BBS4: variants seen among roughly 807,000 people sequenced by gnomAD.
BBS4 encodes BBSome complex member BBS4.
Under a neutral mutation model 71.4 loss-of-function variants are expected in BBS4, and 58 were observed. That is an observed-to-expected ratio of 0.81 (90% CI 0.66 to 1.01). BBS4 has a LOEUF of 1.01. BBS4 is among the 50% of genes least tolerant of loss of function. The pLI is 0.00. For missense variants in BBS4, 660 were observed against 607.9 expected, an observed-to-expected ratio of 1.09 and a Z score of -0.90; for synonymous variants, 228 against 216.8, an observed-to-expected ratio of 1.05 and a Z score of -0.46.
intron 12 of BBS4, among the ~76,000 whole-genome samples, chr15:72,732,082 C>T (rs1218818221): frequency 6.6e-6 from 1 of 152,188 alleles, no homozygotes; most frequent in Non-Finnish European, 1.5e-5. Flanking sequence ...GGTCCTGCCT[C>T]TACTACTTAT....
In BBS4 at chr15:72,707,308, A is replaced by G. The variant is rs571717795; in HGVS notation, c.77-2392A>G. Reference sequence around the variant, plus strand: ...ATTCTGGTGCCCAAGCCTCCCTAGTAGCTGGGATGTCAGGATGCGCCACCA... The same window carrying G: ...ATTCTGGTGCCCAAGCCTCCCTAGTGGCTGGGATGTCAGGATGCGCCACCA... On this transcript the variant is annotated intron_variant, in intron 2 of 15. Coordinates refer to ENST00000268057, the MANE Select transcript of BBS4 (RefSeq NM_033028.5). 2.3e-4 allele frequency among the ~76,000 whole-genome samples: 35 copies of G among 150,328 alleles called. No homozygotes were observed. In the South Asian group the frequency reaches 6.3e-3, roughly 27 times the overall value.
intron 1 of BBS4, 78 bp downstream of exon 1, chr15:72,686,329 G>A: frequency 6.5e-7 from 1 of 1,546,938 alleles, no homozygotes; most frequent in East Asian, 2.4e-5. Flanking sequence ...CCATGCAGCG[G>A]TTCCTGGAGA....
In BBS4 at chr15:72,727,973, T is replaced by C; in HGVS notation, c.621T>C (p.Thr207=). Reference sequence around the variant, plus strand: ...CAGAAAATACAGAGCTTCTTACAACTTTAGGATTACTCTACTTACAGGTAA... The same window carrying C: ...CAGAAAATACAGAGCTTCTTACAACCTTAGGATTACTCTACTTACAGGTAA... ...FSPENTELLT[T]LGLLYLQLGI... The change falls in exon 9 of 16, where the codon ACT becomes ACC. Residue 207 remains threonine (T), a synonymous_variant. Coordinates refer to ENST00000268057, the MANE Select transcript of BBS4 (RefSeq NM_033028.5). The C allele has an allele frequency of 6.2e-7, 1 of 1,612,552 alleles. No individual in the cohort carries two copies. The highest frequency in any genetic ancestry group is 8.5e-7 in the Non-Finnish European group (1 of 1,178,584).
chr15:72,695,198 A>G lies in BBS4; in HGVS notation c.46A>G (p.Thr16Ala), dbSNP rs929043364. The change falls in exon 2 of 16, where the codon ACT (threonine) becomes GCT (alanine). Residue 16 changes from threonine to alanine, a missense_variant. By Grantham distance (58) the Thr-to-Ala change is moderately conservative. Coordinates refer to ENST00000268057, the MANE Select transcript of BBS4 (RefSeq NM_033028.5). Reference protein sequence around the residue: ...VATRTQFPVSTESQKPRQKKA... With the variant: ...VATRTQFPVSAESQKPRQKKA... ...TCAGAGAACTCAATTTCCTGTATCT[A>G]CTGAGTCTCAAAAACCCCGGCAGAA... 1 of 1,606,642 alleles carries G rather than the reference A, an allele frequency of 6.2e-7. No homozygotes were observed. Among genetic ancestry groups the G allele is most frequent in the Non-Finnish European group, 8.5e-7 (1 of 1,173,450 alleles).
chr15:72,686,389 C>G, intron 1 of BBS4, 138 bp downstream of exon 1: 1 of 1,536,752 alleles, frequency 6.5e-7, no homozygotes, highest in Non-Finnish European at 8.7e-7. Flanking sequence ...GCGACACGGT[C>G]CCCTTTTTAC....
chr15:72,723,337 CTG>C (rs1224623228), intron 7 of BBS4, among the ~76,000 whole-genome samples: 2 of 152,044 alleles, frequency 1.3e-5, no homozygotes, highest in East Asian at 3.9e-4. Context: ...TTATATTTCA[CTG>C]TGATTAAGCT....
At chr15:72,724,447 G>C in intron 7 of BBS4, 81 bp from the exon 8 acceptor site, 1 of 1,584,930 alleles carries the variant, frequency 6.3e-7, no homozygotes, top group South Asian at 1.1e-5. Flanking sequence ...ACAGCAGAAA[G>C]TGTCTTTACA....
intron 12 of BBS4, among the ~76,000 whole-genome samples, chr15:72,733,537 C>T (rs1158670291): frequency 6.6e-6 from 1 of 152,168 alleles, no homozygotes; most frequent in Non-Finnish European, 1.5e-5. Flanking sequence ...ATTTGGTTTT[C>T]TATCCTTTAT....
Position 72,701,289 on chromosome 15 carries a change from T to C in BBS4, c.76+6061T>C, listed in dbSNP as rs569881454. 2.0e-5 allele frequency among the ~76,000 whole-genome samples: 3 copies of C among 152,352 alleles called. No individual in the cohort carries two copies. The East Asian group carries it at 5.8e-4, about 29-fold the overall frequency. On this transcript the variant is annotated intron_variant, in intron 2 of 15. Coordinates refer to ENST00000268057, the MANE Select transcript of BBS4 (RefSeq NM_033028.5). ...TGTGAGATTCATTTATGTTGTTGCATGTAGTAGTGGTTGGTTGTTTTCTTC... is the reference window on the plus strand; with the variant it reads ...TGTGAGATTCATTTATGTTGTTGCACGTAGTAGTGGTTGGTTGTTTTCTTC...
At chr15:72,730,289 A>C (rs979636613) in intron 10 of BBS4, among the ~76,000 whole-genome samples, 1 of 149,202 alleles carries the variant, frequency 6.7e-6, no homozygotes, top group Non-Finnish European at 1.5e-5. Context: ...AAAAAAAAAA[A>C]AAATAAAAAA....
rs1284934616 is a variant in BBS4 at position 72,738,136 on chromosome 15, T to C, written c.*549T>C. 2.2e-6 allele frequency: 1 copy of C among 452,072 alleles called. No homozygotes were observed. The highest frequency in any genetic ancestry group is 4.4e-6 in the Non-Finnish European group (1 of 226,232). 28.0% of individuals were successfully genotyped at this position (452,072 alleles called of 1,614,324 possible). A position where few individuals can be genotyped will look rare whatever the true frequency, so the allele number is the denominator to read the frequency against. ...CCCTGGAAGTTGAGGCCAAGCCTGC[T>C]GAGTATTGCAGCTGCATTTGCCCAA... On this transcript the variant is annotated 3_prime_UTR_variant, in exon 16 of 16. Transcript: ENST00000268057.
chr15:72,716,712 G>A (rs2065473600), intron 5 of BBS4, 66 bp from the exon 6 acceptor site: 1 of 1,094,046 alleles, frequency 9.1e-7, no homozygotes, highest in South Asian at 1.3e-5. Context: ...ATTAAAATGT[G>A]GGACTAGTAG....
intron 1 of BBS4, among the ~76,000 whole-genome samples, chr15:72,688,673 G>A (rs1442872746): frequency 6.6e-6 from 1 of 152,062 alleles, no homozygotes; most frequent in Non-Finnish European, 1.5e-5. Context: ...AAAGTGTTGG[G>A]ATTACAGGCG....
intron 14 of BBS4, among the ~76,000 whole-genome samples, chr15:72,736,346 A>G (rs889533168): frequency 6.0e-5 from 9 of 151,002 alleles, no homozygotes; most frequent in African/African-American, 2.0e-4. Context: ...GGTTCAAGCA[A>G]TTCTCCTGCC....
In BBS4 at chr15:72,686,592, TC is replaced by T. The variant is rs139529717; in HGVS notation, c.24+343del. ...AATGACTAGCACTTGTGTAGACAGT[TC>T]CTGTTAATCCCGTGAATTGGGAATT... On this transcript the variant is annotated intron_variant, in intron 1 of 15. Coordinates refer to ENST00000268057, the MANE Select transcript of BBS4 (RefSeq NM_033028.5). 1.9e-3 allele frequency: 2,671 copies of T among 1,374,672 alleles called. 55 individuals are homozygous for T. In the African/African-American group the frequency reaches 0.035, roughly 18 times the overall value. The allele number at this position is 1,374,672 out of a possible 1,614,324, so 85.2% of individuals were successfully genotyped here. A position where few individuals can be genotyped will look rare whatever the true frequency, so the allele number is the denominator to read the frequency against.
intron 1 of BBS4, chr15:72,686,750 A>G: frequency 2.5e-6 from 1 of 394,962 alleles, no homozygotes; most frequent in Non-Finnish European, 4.8e-6. Flanking sequence ...CGTTCACTCC[A>G]CAGAACTGCT....
intron 2 of BBS4, among the ~76,000 whole-genome samples, chr15:72,705,658 C>G (rs2065252024): frequency 8.2e-6 from 1 of 122,072 alleles, no homozygotes; most frequent in African/African-American, 3.1e-5. Flanking sequence ...AGTGCACAAT[C>G]ATGGTTCATT....
At chr15:72,704,927 ACAG>A (rs985388905) in intron 2 of BBS4, among the ~76,000 whole-genome samples, 1 of 152,078 alleles carries the variant, frequency 6.6e-6, no homozygotes, top group African/African-American at 2.4e-5. Context: ...ATGCAAAAAA[ACAG>A]CAACAATAAT....
chr15:72,731,731 G>A lies in BBS4; in HGVS notation c.1036+5G>A. 2 of 1,614,124 alleles carry A rather than the reference G, an allele frequency of 1.2e-6. No individual in the cohort carries two copies. Among genetic ancestry groups the A allele is most frequent in the Non-Finnish European group, 1.7e-6 (2 of 1,180,030 alleles). ...AGCTCTACATGCTCTTGGCAGGTAA[G>A]AAACATTTATGTGGAAAACTCTCTC... On this transcript the variant is annotated splice_donor_5th_base_variant and intron_variant, in intron 12 of 15. Transcript: ENST00000268057.
Sources: gnomAD v4.1 joint callset for allele counts (sites outside exome capture counted in the v4.1 genomes callset) on GRCh38, gnomAD v4.1.1 for gene constraint, MANE v1.5 for transcripts, NCBI Gene and HGNC (gene_info 2026-07-23, HGNC 2026-07-21) for gene names.